Variants in DLGAP1 observed in about 807,000 individuals in gnomAD.
The protein encoded by DLGAP1 is disks large-associated protein 1.
DLGAP1 carries 11 observed loss-of-function variants against 90.8 expected under a neutral mutation model. The ratio of observed to expected loss-of-function variants is 0.12; its 90% confidence interval spans 0.08 to 0.20. DLGAP1 has a LOEUF of 0.20. DLGAP1 is among the 10% of genes least tolerant of loss of function. DLGAP1 has a pLI of 1.00. For missense variants in DLGAP1, 1,050 were observed against 1,333.8 expected (o/e 0.79, Z 3.31); for synonymous variants, 558 against 540.7 (o/e 1.03, Z -0.44).
chr18:4,430,827 G>A (rs568726858), intron 1 of DLGAP1: 3 of 152,436 alleles, frequency 2.0e-5, no homozygotes, highest in African/African-American at 7.2e-5. Context: ...CAGAACTAAA[G>A]AAGAGAAACA....
chr18:4,378,991 C>T lies in DLGAP1; in HGVS notation c.-267+76015G>A, dbSNP rs777273687. The stretch of plus-strand genomic sequence containing the variant: ...TCACAGCATGTGATCTCCTGTGCCG[C>T]GTGACCACAGTTGATAGGACCAAGG... On this transcript the variant is annotated intron_variant, in intron 1 of 12. Transcript: ENST00000315677. The surrounding 1 kb of genome is among the most constrained non-coding windows in gnomAD (Gnocchi z 4.5). Among the ~76,000 whole-genome samples the T allele has an allele frequency of 1.4e-4, 22 of 152,074 alleles. No homozygotes were observed. The highest frequency in any genetic ancestry group is 2.5e-4 in the Non-Finnish European group (17 of 68,014).
intron 4 of DLGAP1, chr18:3,874,272 G>C (rs914645661): frequency 8.4e-6 from 13 of 1,549,196 alleles, no homozygotes; most frequent in Non-Finnish European, 1.1e-5. Flanking sequence ...TTTCCTTCTC[G>C]GTCTGTCTTG....
chr18:4,212,254 G>A (rs553908231), intron 1 of DLGAP1, among the ~76,000 whole-genome samples: 1 of 152,234 alleles, frequency 6.6e-6, no homozygotes, highest in South Asian at 2.1e-4. Flanking sequence ...GATGAGTCCT[G>A]CTGGACTATA....
intron 10 of DLGAP1, among the ~76,000 whole-genome samples, chr18:3,532,584 A>G (rs987227266): frequency 1.3e-5 from 2 of 151,990 alleles, no homozygotes; most frequent in African/African-American, 4.8e-5. Context: ...ATCTCAAAAA[A>G]AAAAAAGAAA....
intron 1 of DLGAP1, among the ~76,000 whole-genome samples, chr18:4,368,017 C>T (rs1355935651): frequency 1.3e-5 from 2 of 152,034 alleles, no homozygotes; most frequent in Non-Finnish European, 2.9e-5. Flanking sequence ...ATAAACATTA[C>T]ACACATATGC....
chr18:3,982,837 GT>G (rs773292103), intron 3 of DLGAP1, among the ~76,000 whole-genome samples: 8 of 152,176 alleles, frequency 5.3e-5, no homozygotes, highest in Non-Finnish European at 1.2e-4. Context: ...TGATGGAATG[GT>G]GGAAAATCAA....
At chr18:3,969,467 AAT>A (rs1238379845) in intron 3 of DLGAP1, among the ~76,000 whole-genome samples, 3 of 152,226 alleles carry the variant, frequency 2.0e-5, no homozygotes, top group Non-Finnish European at 2.9e-5. Context: ...GTAGGAAAAG[AAT>A]ATTAAAGAGA....
chr18:4,420,908 T>C, intron 1 of DLGAP1, among the ~76,000 whole-genome samples: 1 of 152,216 alleles, frequency 6.6e-6, no homozygotes, highest in Admixed American at 6.5e-5. Flanking sequence ...AAGGTACCCT[T>C]AGTATCTCTC....
At chr18:4,265,458 T>C (rs1376790659) in intron 1 of DLGAP1, among the ~76,000 whole-genome samples, 1 of 150,866 alleles carries the variant, frequency 6.6e-6, no homozygotes, top group Non-Finnish European at 1.5e-5. Flanking sequence ...TGTGAGCCAC[T>C]GCACCCAGCC....
chr18:4,286,541 A>G (rs1194040938), intron 1 of DLGAP1, among the ~76,000 whole-genome samples: 5 of 152,152 alleles, frequency 3.3e-5, no homozygotes, highest in Non-Finnish European at 7.3e-5. Flanking sequence ...GGAGTACAGC[A>G]GCCGTTTAGC....
At chr18:4,011,604 C>T (rs2149096278) in intron 2 of DLGAP1, among the ~76,000 whole-genome samples, 1 of 152,096 alleles carries the variant, frequency 6.6e-6, no homozygotes, top group Non-Finnish European at 1.5e-5. Flanking sequence ...ATTGCTTGAG[C>T]TCAGTAGTTC....
chr18:4,300,518 T>G (rs915508395), intron 1 of DLGAP1, among the ~76,000 whole-genome samples: 3 of 152,118 alleles, frequency 2.0e-5, no homozygotes, highest in African/African-American at 7.2e-5. Context: ...AAAAAACTCT[T>G]GCAATACTCT....
chr18:4,107,724 G>A (rs2143955802), intron 2 of DLGAP1, among the ~76,000 whole-genome samples: 1 of 152,294 alleles, frequency 6.6e-6, no homozygotes, highest in East Asian at 1.9e-4. Flanking sequence ...TGAATGTAAT[G>A]TAATGAATAG....
intron 1 of DLGAP1, among the ~76,000 whole-genome samples, chr18:4,254,217 C>T (rs557960748): frequency 4.6e-4 from 70 of 152,256 alleles, no homozygotes; most frequent in African/African-American, 1.7e-3. Flanking sequence ...CCTCCAAGTG[C>T]CATGATATAC....
chr18:4,345,785 T>C (rs1391159360), intron 1 of DLGAP1, among the ~76,000 whole-genome samples: 1 of 152,194 alleles, frequency 6.6e-6, no homozygotes, highest in Admixed American at 6.5e-5. Flanking sequence ...ATGTGTCTAG[T>C]TAGTTAATAT....
chr18:4,300,783 T>C (rs1417175356), intron 1 of DLGAP1, among the ~76,000 whole-genome samples: 2 of 152,174 alleles, frequency 1.3e-5, no homozygotes, highest in Admixed American at 1.3e-4. Context: ...TATTACTGAC[T>C]TGTAAGGATT....
intron 1 of DLGAP1, among the ~76,000 whole-genome samples, chr18:4,370,407 T>C (rs1411505186): frequency 1.3e-5 from 2 of 152,216 alleles, no homozygotes; most frequent in Non-Finnish European, 2.9e-5. Context: ...AGAGATTTCA[T>C]GACCAGCAGT....
At chr18:3,836,760 T>C (rs972639100) in intron 4 of DLGAP1, among the ~76,000 whole-genome samples, 1 of 152,198 alleles carries the variant, frequency 6.6e-6, no homozygotes, top group Admixed American at 6.5e-5. Flanking sequence ...GTAGCCTAAG[T>C]GGCCCTCCTA....
At chr18:3,805,111 T>C (rs1390692299) in intron 5 of DLGAP1, among the ~76,000 whole-genome samples, 2 of 152,228 alleles carry the variant, frequency 1.3e-5, no homozygotes, top group Non-Finnish European at 2.9e-5. Flanking sequence ...CTGATAATAA[T>C]GATGGCGATA....
Sources: allele counts gnomAD v4.1 joint callset (sites outside exome capture counted in the v4.1 genomes callset), GRCh38; gene constraint gnomAD v4.1.1; non-coding constraint Gnocchi (gnomAD v3.1); transcripts MANE v1.5; gene names NCBI Gene and HGNC (gene_info 2026-07-23, HGNC 2026-07-21).